The following SOX6 variants were observed in gnomAD, a reference collection of about 807,000 sequenced individuals.
SOX6 encodes the protein SRY-box transcription factor 6.
A neutral mutation model predicts 97.8 loss-of-function variants in SOX6; 11 were observed. That is an observed-to-expected ratio of 0.11 (90% CI 0.07 to 0.19). The LOEUF (loss-of-function observed/expected upper bound fraction) is 0.19, where lower values mean the gene tolerates loss of function less well. SOX6 is among the 10% of genes least tolerant of loss of function. The pLI, the probability that SOX6 is intolerant of heterozygous loss-of-function variation, is 1.00. For missense variants in SOX6, 810 were observed against 1,039.5 expected (o/e 0.78, Z 3.04); for synonymous variants, 360 against 371.4 (o/e 0.97, Z 0.35).
chr11:16,694,579 C>T (rs560195022), intron 3 of SOX6, among the ~76,000 whole-genome samples: 29 of 152,118 alleles, frequency 1.9e-4, no homozygotes, highest in Non-Finnish European at 3.4e-4. Context: ...TACAGAGGTA[C>T]TATTTACAAG....
chr11:16,499,988 C>A (rs1177116966), intron 4 of SOX6, among the ~76,000 whole-genome samples: 3 of 152,152 alleles, frequency 2.0e-5, no homozygotes, highest in Admixed American at 2.0e-4. Flanking sequence ...GATACCAAAG[C>A]CTGGCAGAGA....
intron 1 of SOX6, among the ~76,000 whole-genome samples, chr11:16,426,371 A>G (rs1020315123): frequency 6.6e-6 from 1 of 151,842 alleles, no homozygotes; most frequent in Non-Finnish European, 1.5e-5. Context: ...CAAAAAGAAT[A>G]AAGCTGAAAG....
rs570021294 is a variant in SOX6, at chr11:16,405,918, T to G, written c.-4-64666A>C. On this transcript the variant is annotated intron_variant, in intron 1 of 15. Coordinates refer to the SOX6 transcript ENST00000396356. ...TTTACTGACTCCACCCACTGCTACT[T>G]CTCCTTAGTCAAAATTGCTCTCGAC... 4.8e-4 allele frequency among the ~76,000 whole-genome samples: 73 copies of G among 152,178 alleles called. 1 individual carries two copies. Among genetic ancestry groups the G allele is most frequent in the African/African-American group, 1.6e-3 (68 of 41,554 alleles).
chr11:16,512,115 T>C (rs1860888247), intron 4 of SOX6, among the ~76,000 whole-genome samples: 1 of 152,112 alleles, frequency 6.6e-6, no homozygotes, highest in Non-Finnish European at 1.5e-5. Context: ...AAACCTACCA[T>C]CTTCCAAACA....
chr11:16,398,699 A>T (rs1858440138), intron 1 of SOX6, among the ~76,000 whole-genome samples: 1 of 150,994 alleles, frequency 6.6e-6, no homozygotes, highest in South Asian at 2.1e-4. Flanking sequence ...ACTCTTTAAT[A>T]TCCTGTTTTA....
intron 3 of SOX6, among the ~76,000 whole-genome samples, chr11:16,238,967 A>G (rs1853105055): frequency 6.6e-6 from 1 of 152,264 alleles, no homozygotes; most frequent in South Asian, 2.1e-4. Context: ...CTATTTACCC[A>G]AGAACAATGA....
At chr11:16,241,908 T>A (rs1159731825) in intron 3 of SOX6, among the ~76,000 whole-genome samples, 1 of 152,040 alleles carries the variant, frequency 6.6e-6, no homozygotes, top group Non-Finnish European at 1.5e-5. Flanking sequence ...CATACTTACA[T>A]CCCAAAATAG....
At chr11:16,135,038 A>T (rs1849926092) in intron 6 of SOX6, among the ~76,000 whole-genome samples, 1 of 152,202 alleles carries the variant, frequency 6.6e-6, no homozygotes, top group African/African-American at 2.4e-5. Flanking sequence ...GTCCATAAGA[A>T]TTATCTTAAA....
chr11:16,324,659 T>C (rs1473864022), intron 2 of SOX6, among the ~76,000 whole-genome samples: 1 of 152,136 alleles, frequency 6.6e-6, no homozygotes, highest in African/African-American at 2.4e-5. Flanking sequence ...TGTGTAATGA[T>C]CAAATTTGGG....
chr11:16,321,510 A>G (rs1855926168), intron 2 of SOX6, among the ~76,000 whole-genome samples: 1 of 152,082 alleles, frequency 6.6e-6, no homozygotes, highest in Admixed American at 6.6e-5. Context: ...CTAATGCCAA[A>G]CAATCTTATT....
chr11:16,149,482 T>C (rs2134053741), intron 6 of SOX6, among the ~76,000 whole-genome samples: 1 of 151,838 alleles, frequency 6.6e-6, no homozygotes, highest in South Asian at 2.1e-4. Context: ...AGTAGGGAAA[T>C]AGGAGTCTGA....
At chr11:16,587,142 A>G (rs1039990066) in intron 4 of SOX6, among the ~76,000 whole-genome samples, 6 of 152,190 alleles carry the variant, frequency 3.9e-5, no homozygotes, top group African/African-American at 1.2e-4. Context: ...TGGTCTGTAG[A>G]TTACCTGGGG....
intron 3 of SOX6, among the ~76,000 whole-genome samples, chr11:16,671,640 T>G (rs557063202): frequency 2.0e-4 from 31 of 152,068 alleles, no homozygotes; most frequent in African/African-American, 7.2e-4. Flanking sequence ...CCAAGAAATA[T>G]GGAGTCACGT....
In SOX6 at chr11:16,318,536, T is replaced by C; in HGVS notation, c.355A>G (p.Thr119Ala). 1 of 1,613,702 alleles carries C rather than the reference T, an allele frequency of 6.2e-7. No homozygotes were observed. The highest frequency in any genetic ancestry group is 8.5e-7 in the Non-Finnish European group (1 of 1,179,790). The change falls in exon 3 of 16, where the codon ACC becomes GCC. Residue 119 changes from threonine to alanine, a missense_variant. Physicochemically the swap from Thr to Ala is moderately conservative, Grantham distance 58. Transcript: ENST00000683767. ...AGACTCCCTTTGCGGCGCTCTGGGG[T>C]TCCAAAAGTAACACTGGTCATTATC... ...REIMTSVTFG[T>A]PERRKGSLAD...
At chr11:16,565,199 T>C (rs11023987) in intron 4 of SOX6, among the ~76,000 whole-genome samples, 61,852 of 151,838 alleles carry the variant, frequency 0.41, 13,611 homozygotes, top group African/African-American at 0.57. Context: ...AATTTGACAA[T>C]TTAGATGAAA....
intron 1 of SOX6, among the ~76,000 whole-genome samples, chr11:16,417,991 T>C (rs957206154): frequency 6.6e-6 from 1 of 152,216 alleles, no homozygotes; most frequent in East Asian, 1.9e-4. Context: ...AAAAATATGA[T>C]GAAATTATTT....
intron 9 of SOX6, among the ~76,000 whole-genome samples, chr11:16,094,773 T>G (rs1848759143): frequency 6.6e-6 from 1 of 151,876 alleles, no homozygotes; most frequent in Admixed American, 6.6e-5. Flanking sequence ...GGAGATATTC[T>G]GAAAGTATGT....
At chr11:16,194,813 G>T (rs567754325) in intron 4 of SOX6, among the ~76,000 whole-genome samples, 11 of 152,278 alleles carry the variant, frequency 7.2e-5, no homozygotes, top group African/African-American at 2.6e-4. Context: ...CAACCTCACA[G>T]CTGGGCTTTT....
chr11:16,659,212 G>T (rs1847747827), intron 3 of SOX6, among the ~76,000 whole-genome samples: 1 of 152,156 alleles, frequency 6.6e-6, no homozygotes, highest in African/African-American at 2.4e-5. Flanking sequence ...GTTAATTTTT[G>T]TGGAAAGTAT....
Sources: gnomAD v4.1 joint callset for allele counts (sites outside exome capture counted in the v4.1 genomes callset) on GRCh38, gnomAD v4.1.1 for gene constraint, MANE v1.5 for transcripts, NCBI Gene and HGNC (gene_info 2026-07-23, HGNC 2026-07-21) for gene names.